Variants in KIAA1217 observed in about 807,000 individuals in gnomAD.
KIAA1217 encodes sickle tail protein homolog.
A neutral mutation model predicts 163.9 loss-of-function variants in KIAA1217; 88 were observed. The observed-to-expected ratio is 0.54, with a 90% CI of 0.45 to 0.64. KIAA1217 has a LOEUF of 0.64. Ranked by LOEUF, KIAA1217 falls within the 30% of genes least tolerant of loss-of-function variation. KIAA1217 has a pLI of 0.00. For missense variants in KIAA1217, 2,372 were observed against 2,475.0 expected (o/e 0.96, Z 0.88); for synonymous variants, 903 against 923.1 (o/e 0.98, Z 0.39).
intron 1 of KIAA1217, among the ~76,000 whole-genome samples, chr10:23,959,166 G>A (rs1844707461): frequency 6.6e-6 from 1 of 152,016 alleles, no homozygotes; most frequent in South Asian, 2.1e-4. Context: ...GGGGCTGTAG[G>A]TCAACACAGT....
At chr10:24,198,178 G>T (rs1339170858) in intron 2 of KIAA1217, among the ~76,000 whole-genome samples, 1 of 152,202 alleles carries the variant, frequency 6.6e-6, no homozygotes, top group Non-Finnish European at 1.5e-5. Context: ...TTATCAGTGG[G>T]TAATATTTCT....
At chr10:23,837,789 C>T (rs1838559106) in intron 1 of KIAA1217, among the ~76,000 whole-genome samples, 1 of 152,136 alleles carries the variant, frequency 6.6e-6, no homozygotes, top group Non-Finnish European at 1.5e-5. Flanking sequence ...GATCCACCCA[C>T]CTCTGTCTCC....
At chr10:24,533,293 G>C in intron 16 of KIAA1217, 56 bp downstream of exon 16, 2 of 1,514,894 alleles carry the variant, frequency 1.3e-6, no homozygotes, top group Non-Finnish European at 1.8e-6. Context: ...GGTCTCTCCA[G>C]CCATGGCACT....
chr10:24,155,277 A>G (rs1363289071), intron 2 of KIAA1217, among the ~76,000 whole-genome samples: 2 of 152,130 alleles, frequency 1.3e-5, no homozygotes, highest in Non-Finnish European at 2.9e-5. Context: ...AGATAGGATC[A>G]GGGGTTATCT....
At chr10:23,728,979 G>C (rs1224520382) in intron 1 of KIAA1217, among the ~76,000 whole-genome samples, 1 of 152,030 alleles carries the variant, frequency 6.6e-6, no homozygotes, top group African/African-American at 2.4e-5. Flanking sequence ...CTCCCAACCC[G>C]ACTGACCTTT....
At chr10:24,323,833 TTGAC>T (rs903874689) in intron 2 of KIAA1217, among the ~76,000 whole-genome samples, 1 of 128,038 alleles carries the variant, frequency 7.8e-6, no homozygotes, top group Non-Finnish European at 1.6e-5. Flanking sequence ...GTGTGTGTGT[TTGAC>T]TAACTTAGGG....
intron 1 of KIAA1217, among the ~76,000 whole-genome samples, chr10:23,842,516 C>T (rs1838835017): frequency 6.6e-6 from 1 of 152,122 alleles, no homozygotes; most frequent in African/African-American, 2.4e-5. Context: ...AATCCTTCAT[C>T]ACAAACTTAA....
intron 2 of KIAA1217, among the ~76,000 whole-genome samples, chr10:24,154,608 C>G (rs1298224855): frequency 1.3e-5 from 2 of 152,036 alleles, no homozygotes; most frequent in African/African-American, 4.8e-5. Context: ...AGCACAGTGA[C>G]TCACACCTAT....
chr10:24,113,731 A>G (rs1010419144), intron 2 of KIAA1217, among the ~76,000 whole-genome samples: 4 of 152,048 alleles, frequency 2.6e-5, no homozygotes, highest in African/African-American at 9.7e-5. Context: ...GTATCTCACC[A>G]CCTGATGCAT....
At position 24,433,185 on chromosome 10, in the gene KIAA1217, T is replaced by C. The variant is rs1435297544; in HGVS notation, c.744T>C (p.Asn248=). 3.1e-6 allele frequency: 5 copies of C among 1,611,880 alleles called. No individual in the cohort carries two copies. Among genetic ancestry groups the C allele is most frequent in the Non-Finnish European group, 4.2e-6 (5 of 1,178,800 alleles). ...GCAGAAATGTCTATTATGAATTAAA[T>C]GATGTAAGGTAAGTTGTGACATCAT... The part of the protein sequence containing the change: ...DESRNVYYEL[N]DVRNIQDRSL... Residue 248 remains asparagine, a synonymous_variant, in exon 4 of 21, where the codon AAT becomes AAC. Transcript: ENST00000376454.
chr10:24,463,338 A>G (rs2062618409), intron 5 of KIAA1217, among the ~76,000 whole-genome samples: 1 of 152,208 alleles, frequency 6.6e-6, no homozygotes, highest in South Asian at 2.1e-4. Context: ...TCCTCTGTCA[A>G]AAGATTTATA....
intron 3 of KIAA1217, among the ~76,000 whole-genome samples, chr10:24,405,140 T>C (rs2057067050): frequency 1.3e-5 from 2 of 152,172 alleles, no homozygotes; most frequent in African/African-American, 4.8e-5. Flanking sequence ...CACATACAAA[T>C]ACATGTGTAT....
At chr10:23,895,482 G>T (rs527678220) in intron 1 of KIAA1217, among the ~76,000 whole-genome samples, 2,288 of 152,152 alleles carry the variant, frequency 0.015, 57 homozygotes, top group African/African-American at 0.052. Flanking sequence ...TCATTAAAAA[G>T]TCAGGAAACA....
chr10:24,310,789 G>A (rs2042599489), intron 2 of KIAA1217, among the ~76,000 whole-genome samples: 1 of 152,140 alleles, frequency 6.6e-6, no homozygotes, highest in Non-Finnish European at 1.5e-5. Flanking sequence ...TTGAGCCCAG[G>A]AGTTGGAGAC....
At chr10:24,043,531 A>G (rs1040634548) in intron 2 of KIAA1217, among the ~76,000 whole-genome samples, 1 of 152,166 alleles carries the variant, frequency 6.6e-6, no homozygotes, top group Non-Finnish European at 1.5e-5. Context: ...GTGATCAATG[A>G]CATGCTTGTA....
intron 2 of KIAA1217, among the ~76,000 whole-genome samples, chr10:24,296,280 T>G (rs567194232): frequency 6.6e-6 from 1 of 152,236 alleles, no homozygotes; most frequent in East Asian, 1.9e-4. Flanking sequence ...ATTTTTAAGT[T>G]TTTTTGTAGA....
rs1021026504 is a variant in KIAA1217, at chr10:24,533,091, C to G, written c.3268C>G (p.Pro1090Ala). The G allele has an allele frequency of 5.0e-6, 8 of 1,612,330 alleles. No individual in the cohort carries two copies. In the African/African-American group the frequency reaches 1.1e-4, roughly 22 times the overall value. ...TAKASSEDAG[P>A]SPQTRATKYP... ...ACAGGCAAGCAGTGAAGATGCTGGA[C>G]CAAGCCCACAGACCAGAGCTACAAA... The change falls in exon 16 of 21, where the codon CCA becomes GCA. Residue 1090 changes from proline to alanine, a missense_variant. Pro to Ala is a conservative substitution (Grantham distance 27). Transcript: ENST00000376454.
At chr10:24,092,665 A>G (rs2061977172) in intron 2 of KIAA1217, among the ~76,000 whole-genome samples, 1 of 151,720 alleles carries the variant, frequency 6.6e-6, no homozygotes, top group African/African-American at 2.4e-5. Context: ...AAAACTATGT[A>G]CCATATGATT....
intron 2 of KIAA1217, among the ~76,000 whole-genome samples, chr10:24,198,914 C>T (rs1384622543): frequency 1.3e-5 from 2 of 152,036 alleles, no homozygotes; most frequent in African/African-American, 4.8e-5. Flanking sequence ...CCTTAGGAGG[C>T]AATGTTCAGT....
Sources: allele counts gnomAD v4.1 joint callset (sites outside exome capture counted in the v4.1 genomes callset), GRCh38; gene constraint gnomAD v4.1.1; transcripts MANE v1.5; gene names NCBI Gene and HGNC (gene_info 2026-07-23, HGNC 2026-07-21).